The following ARL15 variants were observed in gnomAD, a reference collection of about 807,000 sequenced individuals.
ARL15 encodes the protein ADP-ribosylation factor-like protein 15.
A neutral mutation model predicts 25.2 loss-of-function variants in ARL15; 19 were observed. That is an observed-to-expected ratio of 0.75 (90% confidence interval 0.53 to 1.10). ARL15 has a LOEUF of 1.10. Among genes scored for constraint, ARL15 ranks in the 50% least tolerant of loss-of-function variants. The pLI, the probability that ARL15 is intolerant of heterozygous loss-of-function variation, is 0.00. For synonymous variants in ARL15, 94 were observed against 86.8 expected, an observed-to-expected ratio of 1.08 and a Z score of -0.46; for missense variants, 220 against 246.0, an observed-to-expected ratio of 0.89 and a Z score of 0.71.
At chr5:54,026,119 A>T (rs1398830623) in intron 4 of ARL15, among the ~76,000 whole-genome samples, 1 of 152,200 alleles carries the variant, frequency 6.6e-6, no homozygotes, top group Admixed American at 6.5e-5. Flanking sequence ...TTAATGCTGA[A>T]TTTTTAGACT....
rs1013130248 is a variant in ARL15, at chr5:53,901,770, TCATGATTA to T, written c.463-15065_463-15058del. Among the ~76,000 whole-genome samples the T allele has an allele frequency of 1.4e-4, 22 of 152,276 alleles. No homozygotes were observed. In the South Asian group the frequency reaches 1.9e-3, roughly 13 times the overall value. ...AGAGCATATGAAAAAGAAAAACAAC[TCATGATTA>T]CCAACAATTGTGTCTGCCTCAGTAA... On this transcript the variant is annotated intron_variant, in intron 4 of 4. Coordinates refer to ENST00000504924, the MANE Select transcript of ARL15 (RefSeq NM_019087.3).
intron 4 of ARL15, among the ~76,000 whole-genome samples, chr5:53,894,209 G>C (rs1001039112): frequency 3.9e-5 from 6 of 152,186 alleles, no homozygotes; most frequent in Non-Finnish European, 8.8e-5. Context: ...CAGCCTACCT[G>C]AATAATTGAA....
At chr5:53,935,291 C>T in intron 4 of ARL15, among the ~76,000 whole-genome samples, 1 of 152,190 alleles carries the variant, frequency 6.6e-6, no homozygotes, top group East Asian at 1.9e-4. Flanking sequence ...CACCCTCATC[C>T]AGGAGCAGTA....
intron 4 of ARL15, among the ~76,000 whole-genome samples, chr5:53,993,858 G>C (rs917129491): frequency 6.6e-5 from 10 of 152,150 alleles, no homozygotes; most frequent in African/African-American, 2.2e-4. Context: ...GAATTAAAGG[G>C]AAAATTCCAG....
intron 4 of ARL15, among the ~76,000 whole-genome samples, chr5:53,990,248 TA>T (rs11349650): frequency 0.63 from 95,294 of 150,546 alleles, 30,562 homozygotes; most frequent in East Asian, 0.86. Flanking sequence ...AAAAAATAGT[TA>T]AAAAAAAACA....
intron 1 of ARL15, among the ~76,000 whole-genome samples, chr5:54,173,062 A>G (rs1426773634): frequency 1.3e-5 from 2 of 152,078 alleles, no homozygotes; most frequent in Non-Finnish European, 2.9e-5. Context: ...AGGCACCTGT[A>G]ATTCCAGCTA....
chr5:54,123,863 G>T (rs571677339), intron 3 of ARL15, among the ~76,000 whole-genome samples: 3 of 152,270 alleles, frequency 2.0e-5, no homozygotes, highest in African/African-American at 7.2e-5. Flanking sequence ...GTGTTAATGT[G>T]TCATACAGCA....
intron 3 of ARL15, among the ~76,000 whole-genome samples, chr5:54,140,460 A>C (rs1275911316): frequency 1.1e-5 from 1 of 90,656 alleles, no homozygotes; most frequent in Non-Finnish European, 2.8e-5. Flanking sequence ...AGATAGATAG[A>C]TAGATAGAGA....
chr5:54,026,125 AGACT>A (rs1161751438), intron 4 of ARL15, among the ~76,000 whole-genome samples: 1 of 152,254 alleles, frequency 6.6e-6, no homozygotes, highest in African/African-American at 2.4e-5. Context: ...CTGAATTTTT[AGACT>A]GACTAGCTTG....
At chr5:54,211,467 CTTTTTTTTTT>C (rs57554255) in intron 1 of ARL15, among the ~76,000 whole-genome samples, 3 of 119,616 alleles carry the variant, frequency 2.5e-5, no homozygotes, top group African/African-American at 9.6e-5. Flanking sequence ...AAATGAAACA[CTTTTTTTTTT>C]TTTTTTTTTT....
chr5:54,156,245 G>A (rs1408056226), intron 2 of ARL15, among the ~76,000 whole-genome samples: 1 of 152,182 alleles, frequency 6.6e-6, no homozygotes, highest in Admixed American at 6.5e-5. Context: ...TTGAAGAACT[G>A]ACTTTGGAGT....
At chr5:53,911,382 C>T (rs1745458970) in intron 4 of ARL15, among the ~76,000 whole-genome samples, 1 of 151,410 alleles carries the variant, frequency 6.6e-6, no homozygotes. Flanking sequence ...CTTTCCTTCT[C>T]TCCCTCATTC....
rs578068729 is a variant in ARL15, at chr5:54,116,311, C to T, written c.254-2901G>A. 3.9e-5 allele frequency among the ~76,000 whole-genome samples: 6 copies of T among 152,228 alleles called. 1 individual carries two copies. In the East Asian group the frequency reaches 1.2e-3, roughly 29 times the overall value. On this transcript the variant is annotated intron_variant, in intron 3 of 4. Transcript: ENST00000504924. ...CAGCTGGGAGATGGATGCACTGGCC[C>T]AGGAAAGGAGATCTGGGTAGGATAC...
At chr5:54,306,152 C>A (rs562604913) in intron 1 of ARL15, among the ~76,000 whole-genome samples, 1 of 152,206 alleles carries the variant, frequency 6.6e-6, no homozygotes, top group South Asian at 2.1e-4. Context: ...CAGGGCCATG[C>A]AGAAAGTAAG....
At chr5:54,206,573 C>G (rs1013909854) in intron 1 of ARL15, among the ~76,000 whole-genome samples, 1 of 151,946 alleles carries the variant, frequency 6.6e-6, no homozygotes, top group African/African-American at 2.4e-5. Context: ...TTAGGAAAAC[C>G]CTCTGTGGGG....
chr5:54,044,935 C>A (rs1375976104), intron 4 of ARL15, among the ~76,000 whole-genome samples: 2 of 152,176 alleles, frequency 1.3e-5, no homozygotes, highest in African/African-American at 4.8e-5. Flanking sequence ...AAATGCACCT[C>A]TCTGGCCATG....
At chr5:54,176,582 C>T (rs918323945) in intron 1 of ARL15, among the ~76,000 whole-genome samples, 3 of 152,128 alleles carry the variant, frequency 2.0e-5, no homozygotes, top group Non-Finnish European at 4.4e-5. Flanking sequence ...TTGTACAATG[C>T]GAAACACAAT....
chr5:54,083,548 T>C (rs1751870297), intron 4 of ARL15, among the ~76,000 whole-genome samples: 1 of 152,174 alleles, frequency 6.6e-6, no homozygotes. Context: ...AAAAGTTTTT[T>C]CATGAGAAAA....
chr5:54,141,382 T>C (rs1366589367), intron 3 of ARL15, among the ~76,000 whole-genome samples: 1 of 152,158 alleles, frequency 6.6e-6, no homozygotes, highest in Non-Finnish European at 1.5e-5. Flanking sequence ...TTTCAAGCTT[T>C]TTTTACCTTA....
Sources: allele counts gnomAD v4.1 joint callset (sites outside exome capture counted in the v4.1 genomes callset), GRCh38; gene constraint gnomAD v4.1.1; transcripts MANE v1.5; gene names NCBI Gene and HGNC (gene_info 2026-07-23, HGNC 2026-07-21).